The following FRAS1 variants were observed in gnomAD, a reference collection of about 807,000 sequenced individuals.
The protein encoded by FRAS1 is Fraser extracellular matrix complex subunit 1.
A neutral mutation model predicts 435.2 loss-of-function variants in FRAS1; 290 were observed. The observed-to-expected ratio is 0.67, with a 90% confidence interval of 0.61 to 0.73. The LOEUF is 0.73. FRAS1 is among the 30% of genes least tolerant of loss of function. The pLI, the probability that FRAS1 is intolerant of heterozygous loss-of-function variation, is 0.00. For missense variants in FRAS1, 4,860 were observed against 5,001.5 expected (o/e 0.97, Z 0.85); for synonymous variants, 1,800 against 1,851.0 (o/e 0.97, Z 0.71).
chr4:78,152,578 T>TG (rs1461941969), intron 2 of FRAS1, among the ~76,000 whole-genome samples: 2 of 151,938 alleles, frequency 1.3e-5, no homozygotes, highest in East Asian at 3.9e-4. Flanking sequence ...TTTGCACTGT[T>TG]TTGTGTGTTC....
intron 2 of FRAS1, among the ~76,000 whole-genome samples, chr4:78,131,841 G>A (rs1194190776): frequency 1.3e-5 from 2 of 152,200 alleles, no homozygotes; most frequent in Non-Finnish European, 1.5e-5. Flanking sequence ...ACAAGACTGG[G>A]AAAATCTGAA....
chr4:78,151,605 C>T (rs1329257593), intron 2 of FRAS1, among the ~76,000 whole-genome samples: 2 of 152,316 alleles, frequency 1.3e-5, no homozygotes, highest in South Asian at 2.1e-4. Context: ...AGTCGAAGAT[C>T]ATGGTCTTGC....
At chr4:78,194,315 G>A (rs1722697699) in intron 2 of FRAS1, among the ~76,000 whole-genome samples, 1 of 152,102 alleles carries the variant, frequency 6.6e-6, no homozygotes, top group Non-Finnish European at 1.5e-5. Context: ...GTGAATGTTG[G>A]CCTGCCTTGC....
At chr4:78,331,547 T>C (rs1578257333) in intron 18 of FRAS1, among the ~76,000 whole-genome samples, 2 of 152,148 alleles carry the variant, frequency 1.3e-5, no homozygotes, top group South Asian at 2.1e-4. Flanking sequence ...TCCATATATA[T>C]ATTAAAGATT....
Position 78,057,947 on chromosome 4 carries a change from T to A in FRAS1, c.-63T>A. 6.5e-7 allele frequency: 1 copy of A among 1,536,384 alleles called. No homozygotes were observed. Among genetic ancestry groups the A allele is most frequent in the Admixed American group, 1.7e-5 (1 of 58,750 alleles). ...GGTTCCAAGCGCCGGAGCCAGCGTT[T>A]TGGCGGAGCCGCTTCTTGGATGCTG... On this transcript the variant is annotated 5_prime_UTR_variant, in exon 1 of 74. It adds an upstream start codon to the 5' untranslated region. Coordinates refer to ENST00000512123, the MANE Select transcript of FRAS1 (RefSeq NM_025074.7). The surrounding 1 kb of genome is among the most constrained non-coding windows in gnomAD (Gnocchi z 4.2).
intron 58 of FRAS1, 88 bp from the exon 59 acceptor site, chr4:78,488,787 A>G (rs540265366): frequency 5.5e-6 from 7 of 1,264,422 alleles, no homozygotes; most frequent in South Asian, 1.4e-5. Flanking sequence ...CACCTGCCAA[A>G]ATAGCTGCTG....
At chr4:78,118,224 G>C (rs186871616) in intron 2 of FRAS1, among the ~76,000 whole-genome samples, 9 of 152,194 alleles carry the variant, frequency 5.9e-5, no homozygotes, top group African/African-American at 1.9e-4. Flanking sequence ...GCCATGTGAG[G>C]TGTCAGTCTG....
rs187910274 is a variant in FRAS1, at chr4:78,105,158, T to G, written c.108+39142T>G. On this transcript the variant is annotated intron_variant, in intron 2 of 73. Transcript: ENST00000512123. Reference sequence around the variant, plus strand: ...TCTGAAAGAGTGCTTACCTTTGTTCTGAAGGCAGAATTTAGGCTTGGCTTG... The same window carrying G: ...TCTGAAAGAGTGCTTACCTTTGTTCGGAAGGCAGAATTTAGGCTTGGCTTG... Among the ~76,000 whole-genome samples, 271 of 152,326 alleles carry G rather than the reference T, an allele frequency of 1.8e-3. 1 individual carries two copies. The highest frequency in any genetic ancestry group is 6.3e-3 in the African/African-American group (260 of 41,570).
intron 33 of FRAS1, among the ~76,000 whole-genome samples, chr4:78,421,329 G>A (rs1042708644): frequency 6.6e-5 from 10 of 151,962 alleles, no homozygotes; most frequent in African/African-American, 2.2e-4. Context: ...TGTGTTTTTA[G>A]TAGATACAGG....
chr4:78,068,650 A>G, intron 2 of FRAS1: 2 of 455,774 alleles, frequency 4.4e-6, no homozygotes, highest in South Asian at 3.1e-5. Context: ...GCTTGTTTCC[A>G]GGGAAACTAT....
chr4:78,454,070 G>A (rs1719109713), intron 47 of FRAS1, among the ~76,000 whole-genome samples: 1 of 152,016 alleles, frequency 6.6e-6, no homozygotes, highest in African/African-American at 2.4e-5. Context: ...GGTATTCCTG[G>A]GAGAACACAG....
At chr4:78,277,025 TC>T (rs1162324215) in intron 9 of FRAS1, among the ~76,000 whole-genome samples, 2 of 152,042 alleles carry the variant, frequency 1.3e-5, no homozygotes, top group African/African-American at 4.8e-5. Context: ...CATGCACCCC[TC>T]CCCCAGCCTC....
intron 2 of FRAS1, among the ~76,000 whole-genome samples, chr4:78,222,938 G>C (rs1237532487): frequency 6.6e-6 from 1 of 152,200 alleles, no homozygotes; most frequent in Admixed American, 6.5e-5. Context: ...AATTGTACCA[G>C]AAGTGTAATT....
At chr4:78,086,778 T>A (rs1741202036) in intron 2 of FRAS1, among the ~76,000 whole-genome samples, 1 of 152,142 alleles carries the variant, frequency 6.6e-6, no homozygotes, top group Admixed American at 6.6e-5. Flanking sequence ...GCGGCAATAA[T>A]TAATAGCTTA....
intron 47 of FRAS1, among the ~76,000 whole-genome samples, chr4:78,456,957 A>C (rs149319369): frequency 2.6e-5 from 4 of 152,070 alleles, no homozygotes; most frequent in Admixed American, 2.6e-4. Context: ...CACCTTACTC[A>C]TTTCAGTCTC....
chr4:78,175,625 A>G (rs188052760), intron 2 of FRAS1, among the ~76,000 whole-genome samples: 16 of 152,268 alleles, frequency 1.1e-4, no homozygotes, highest in Admixed American at 2.0e-4. Context: ...TTAATTCTAC[A>G]TCTGAAAGGG....
At chr4:78,093,600 A>T (rs1741641570) in intron 2 of FRAS1, among the ~76,000 whole-genome samples, 1 of 152,192 alleles carries the variant, frequency 6.6e-6, no homozygotes. Context: ...ACCAGATCTG[A>T]TATATCTGGC....
At chr4:78,071,410 C>T (rs755349721) in intron 2 of FRAS1, 3 of 152,134 alleles carry the variant, frequency 2.0e-5, no homozygotes, top group South Asian at 2.1e-4. Flanking sequence ...AACAAGATGT[C>T]GGAGTAGAAA....
intron 2 of FRAS1, among the ~76,000 whole-genome samples, chr4:78,230,810 T>G (rs1196361202): frequency 1.3e-5 from 2 of 152,254 alleles, no homozygotes; most frequent in Admixed American, 6.5e-5. Context: ...TTAGATAAAT[T>G]GCTACTGTTA....
Sources: gnomAD v4.1 joint callset for allele counts (sites outside exome capture counted in the v4.1 genomes callset) on GRCh38, gnomAD v4.1.1 for gene constraint, Gnocchi (gnomAD v3.1) non-coding constraint, MANE v1.5 for transcripts, NCBI Gene and HGNC (gene_info 2026-07-23, HGNC 2026-07-21) for gene names.